TFCP2L1: variants seen among roughly 807,000 people sequenced by gnomAD.
TFCP2L1 encodes the protein transcription factor CP2 like 1, also known as transcription factor CP2-like protein 1.
A neutral mutation model predicts 72.2 loss-of-function variants in TFCP2L1; 12 were observed. The ratio of observed to expected loss-of-function variants is 0.17; its 90% CI spans 0.11 to 0.27. The LOEUF (loss-of-function observed/expected upper bound fraction) is 0.27, where lower values mean the gene tolerates loss of function less well. Ranked by LOEUF, TFCP2L1 falls within the 10% of genes least tolerant of loss-of-function variation. TFCP2L1 has a pLI of 1.00. For missense variants in TFCP2L1, 488 were observed against 624.6 expected (o/e 0.78, Z 2.33); for synonymous variants, 260 against 251.0 (o/e 1.04, Z -0.34).
intron 2 of TFCP2L1, among the ~76,000 whole-genome samples, chr2:121,268,688 T>C (rs927509663): frequency 1.3e-5 from 2 of 151,750 alleles, no homozygotes; most frequent in African/African-American, 4.8e-5. Flanking sequence ...GACTGGGAGC[T>C]GGGTACATCC....
At chr2:121,232,479 C>T (rs961926821) in intron 12 of TFCP2L1, among the ~76,000 whole-genome samples, 19 of 152,092 alleles carry the variant, frequency 1.2e-4, no homozygotes, top group African/African-American at 4.6e-4. Flanking sequence ...TCTTGGGGTG[C>T]TTATGTGAAA....
At chr2:121,224,452 G>C (rs997787316) in intron 14 of TFCP2L1, 65 bp from the exon 15 acceptor site, 2 of 1,546,688 alleles carry the variant, frequency 1.3e-6, no homozygotes, top group Non-Finnish European at 1.8e-6. Flanking sequence ...GTATTGGGGA[G>C]TCCCAAAAGG....
intron 5 of TFCP2L1, among the ~76,000 whole-genome samples, chr2:121,247,562 A>AG (rs1034180668): frequency 8.5e-5 from 13 of 152,056 alleles, no homozygotes; most frequent in African/African-American, 2.9e-4. Context: ...AAAAAAAAAA[A>AG]AGAGAAAGAA....
chr2:121,250,896 T>A (rs1380283606), intron 2 of TFCP2L1, among the ~76,000 whole-genome samples: 1 of 146,604 alleles, frequency 6.8e-6, no homozygotes, highest in Admixed American at 6.7e-5. Flanking sequence ...TGAGCCACCA[T>A]GCCTGGCCAG....
At chr2:121,254,494 C>T (rs1686675496) in intron 2 of TFCP2L1, among the ~76,000 whole-genome samples, 1 of 152,048 alleles carries the variant, frequency 6.6e-6, no homozygotes, top group Admixed American at 6.6e-5. Flanking sequence ...ATAAAGAAAT[C>T]CCAAAGCCAG....
Position 121,242,458 on chromosome 2 carries a change from G to A in TFCP2L1, c.669C>T (p.Ala223=), listed in dbSNP as rs773521096. 47 of 1,613,760 alleles carry A rather than the reference G, an allele frequency of 2.9e-5. No individual in the cohort carries two copies. Among genetic ancestry groups the A allele is most frequent in the Middle Eastern group, 3.3e-4 (2 of 6,084 alleles). The change falls in exon 7 of 15, where the codon GCC becomes GCT. Residue 223 remains alanine (A), a synonymous_variant. Transcript: ENST00000263707. ...CQIKVFKPKG[A]DRKQKTDREK... Reference sequence around the variant, plus strand: ...CCCGGTCAGTCTTCTGTTTCCGATCGGCTCCCTTCGGCTGCGAGCAGAGTA... The same window carrying A: ...CCCGGTCAGTCTTCTGTTTCCGATCAGCTCCCTTCGGCTGCGAGCAGAGTA...
intron 10 of TFCP2L1, among the ~76,000 whole-genome samples, chr2:121,236,998 C>T (rs1294368911): frequency 1.3e-5 from 2 of 152,222 alleles, no homozygotes; most frequent in African/African-American, 4.8e-5. Flanking sequence ...GTGCGGGCGT[C>T]GTTTCTCTTC....
intron 2 of TFCP2L1, among the ~76,000 whole-genome samples, chr2:121,256,555 T>G (rs548498745): frequency 3.9e-4 from 59 of 151,776 alleles, no homozygotes; most frequent in African/African-American, 1.4e-3. Flanking sequence ...AGGTGGGAGA[T>G]CACCTGAAGC....
chr2:121,261,146 A>G (rs1686824005), intron 2 of TFCP2L1, among the ~76,000 whole-genome samples: 1 of 152,204 alleles, frequency 6.6e-6, no homozygotes, highest in Non-Finnish European at 1.5e-5. Context: ...TTCAGGGAAA[A>G]GGCTTTGCCA....
chr2:121,237,692 G>C lies in TFCP2L1; in HGVS notation c.934C>G (p.Gln312Glu). Residue 312 changes from glutamine (Q) to glutamate (E), a missense_variant, in exon 10 of 15, where the codon CAG becomes GAG. This residue lies in a region of TFCP2L1 where 286 missense variants were observed against 329.0 expected (regional missense o/e 0.87). Coordinates refer to ENST00000263707, the MANE Select transcript of TFCP2L1 (RefSeq NM_014553.3). ...SDHLLPSASI[Q>E]DAQQWLHRNR... ...CGGTGAAGCCACTGCTGGGCATCCTGGATCGAAGCTGATGGGAGCAGGTGC... is the reference window on the plus strand; with the variant it reads ...CGGTGAAGCCACTGCTGGGCATCCTCGATCGAAGCTGATGGGAGCAGGTGC... 6.2e-7 allele frequency: 1 copy of C among 1,614,220 alleles called. No individual in the cohort carries two copies. The highest frequency in any genetic ancestry group is 8.5e-7 in the Non-Finnish European group (1 of 1,180,050).
chr2:121,224,486 G>A, intron 14 of TFCP2L1, 99 bp from the exon 15 acceptor site: 1 of 1,255,092 alleles, frequency 8.0e-7, no homozygotes, highest in Non-Finnish European at 1.1e-6. Context: ...TATCAGCAAA[G>A]ACCACCAAAA....
chr2:121,251,618 G>A (rs982404402), intron 2 of TFCP2L1, among the ~76,000 whole-genome samples: 5 of 152,170 alleles, frequency 3.3e-5, no homozygotes, highest in African/African-American at 7.2e-5. Context: ...TGTACAACAT[G>A]GTGACTATTG....
chr2:121,241,960 A>G (rs775742598), intron 7 of TFCP2L1, among the ~76,000 whole-genome samples: 3 of 152,096 alleles, frequency 2.0e-5, no homozygotes, highest in Non-Finnish European at 2.9e-5. Flanking sequence ...TGGGCCAGAT[A>G]CAGAAGGTTT....
rs1179011029 is a variant in TFCP2L1 at position 121,281,166 on chromosome 2, G to T, written c.168C>A (p.Ser56=). The T allele has an allele frequency of 1.2e-6, 2 of 1,613,710 alleles. No individual in the cohort carries two copies. The highest frequency in any genetic ancestry group is 1.1e-5 in the South Asian group (1 of 91,074). ...TCTCTTCATGCAGCTTCACGGCTGG[G>T]GACGTGGCAGCACACAACACATATT... is the stretch of plus-strand genomic sequence containing the variant. The part of the protein sequence containing the change: ...PLQYVLCAAT[S]PAVKLHEETL... The change falls in exon 2 of 15, where the codon TCC becomes TCA. Residue 56 remains serine (S), a synonymous_variant. Transcript: ENST00000263707.
intron 2 of TFCP2L1, among the ~76,000 whole-genome samples, chr2:121,257,945 A>C (rs1686760416): frequency 6.6e-6 from 1 of 151,994 alleles, no homozygotes; most frequent in Non-Finnish European, 1.5e-5. Flanking sequence ...GCCCGCCACC[A>C]GTTCACCCGA....
At chr2:121,243,742 A>G (rs999676000) in intron 6 of TFCP2L1, among the ~76,000 whole-genome samples, 6 of 151,818 alleles carry the variant, frequency 4.0e-5, no homozygotes, top group African/African-American at 1.2e-4. Flanking sequence ...CCACCTCTAT[A>G]TGAGACCATC....
rs1221574353 is a variant in TFCP2L1, at chr2:121,219,414, G to A, written c.*4927C>T. The A allele has an allele frequency of 6.6e-6, 1 of 152,270 alleles. No individual in the cohort carries two copies. The highest frequency in any genetic ancestry group is 1.5e-5 in the Non-Finnish European group (1 of 68,076). 9.4% of individuals were successfully genotyped at this position (152,270 alleles called of 1,614,324 possible). On this transcript the variant is annotated 3_prime_UTR_variant, in exon 15 of 15. Coordinates refer to ENST00000263707, the MANE Select transcript of TFCP2L1 (RefSeq NM_014553.3). Reference sequence around the variant, plus strand: ...CACAGACTGTGCCTGCACTGTGTCTGGCCCCTGGCTGGCAAGGAATATCTG... The same window carrying A: ...CACAGACTGTGCCTGCACTGTGTCTAGCCCCTGGCTGGCAAGGAATATCTG...
Position 121,285,162 on chromosome 2 carries a change from G to A in TFCP2L1, c.-53C>T, listed in dbSNP as rs527556416. 20 of 1,400,964 alleles carry A rather than the reference G, an allele frequency of 1.4e-5. No homozygotes were observed. Among genetic ancestry groups the A allele is most frequent in the South Asian group, 3.2e-5 (2 of 63,342 alleles). The allele number at this position is 1,400,964 out of a possible 1,614,324, so 86.8% of individuals were successfully genotyped here. The stretch of plus-strand genomic sequence containing the variant: ...GGCGCGGCAGCAAGCGCAGACGCGG[G>A]GCGCGCCGAGGACCCAGCGGCGGCT... On this transcript the variant is annotated 5_prime_UTR_variant, in exon 1 of 15. Transcript: ENST00000263707.
chr2:121,266,104 G>A (rs901869701), intron 2 of TFCP2L1, among the ~76,000 whole-genome samples: 5 of 151,302 alleles, frequency 3.3e-5, no homozygotes, highest in African/African-American at 9.7e-5. Flanking sequence ...GGGCTCAAGT[G>A]ATCTGCCCAC....
Sources: allele counts gnomAD v4.1 joint callset (sites outside exome capture counted in the v4.1 genomes callset), GRCh38; gene constraint gnomAD v4.1.1; regional missense constraint gnomAD v4.1.1; transcripts MANE v1.5; gene names NCBI Gene and HGNC (gene_info 2026-07-23, HGNC 2026-07-21).